YWHAH: variants seen among roughly 807,000 people sequenced by gnomAD.
The protein encoded by YWHAH is tyrosine 3-monooxygenase/tryptophan 5-monooxygenase activation protein eta, also known as 14-3-3 protein eta.
In YWHAH, 6 loss-of-function variants were observed where a neutral mutation model predicts 22.9. The ratio of observed to expected loss-of-function variants is 0.26; its 90% CI spans 0.14 to 0.52. The LOEUF is 0.52. Among genes scored for constraint, YWHAH ranks in the 20% least tolerant of loss-of-function variants. YWHAH has a pLI of 0.97. For missense variants in YWHAH, 173 were observed against 308.6 expected (o/e 0.56, Z 3.29); for synonymous variants, 135 against 124.5 (o/e 1.08, Z -0.56).
chr22:31,945,195 C>G, intron 1 of YWHAH: 1 of 1,113,298 alleles, frequency 9.0e-7, no homozygotes, highest in Non-Finnish European at 1.1e-6. Flanking sequence ...CTCCCCCTCT[C>G]GTCTTCCTCC....
intron 1 of YWHAH, among the ~76,000 whole-genome samples, chr22:31,953,381 G>A (rs538962979): frequency 8.5e-5 from 13 of 152,156 alleles, no homozygotes; most frequent in Non-Finnish European, 1.5e-4. Context: ...AGTGTTGTTC[G>A]TTAAAAGACT....
At chr22:31,945,610 C>T (rs1189361647) in intron 1 of YWHAH, 1 of 1,300,690 alleles carries the variant, frequency 7.7e-7, no homozygotes, top group Non-Finnish European at 1.0e-6. Context: ...TACCGTGGGT[C>T]ACACACCACC....
chr22:31,949,500 C>CT (rs998729389), intron 1 of YWHAH, among the ~76,000 whole-genome samples: 35 of 144,210 alleles, frequency 2.4e-4, no homozygotes, highest in Admixed American at 8.3e-4. Context: ...TCCATGTGTA[C>CT]TTTTTTTTTT....
intron 1 of YWHAH, chr22:31,950,240 T>G: frequency 1.4e-6 from 1 of 738,448 alleles, no homozygotes; most frequent in Non-Finnish European, 2.5e-6. Context: ...CCATATTGCC[T>G]TTAATGTATT....
intron 1 of YWHAH, chr22:31,947,344 G>A (rs2093836403): frequency 4.4e-6 from 2 of 453,842 alleles, no homozygotes; most frequent in African/African-American, 2.0e-5. Flanking sequence ...TGATGTTGCT[G>A]TTATTAACAA....
At chr22:31,955,186 T>G (rs1384253453) in intron 1 of YWHAH, among the ~76,000 whole-genome samples, 3 of 152,226 alleles carry the variant, frequency 2.0e-5, no homozygotes, top group African/African-American at 7.2e-5. Context: ...TGAATTGTTC[T>G]TCATTTTGGT....
Position 31,944,659 on chromosome 22 carries a change from G to A in YWHAH, c.-75G>A. 8.6e-7 allele frequency: 1 copy of A among 1,162,778 alleles called. No homozygotes were observed. Among genetic ancestry groups the A allele is most frequent in the East Asian group, 3.8e-5 (1 of 26,168 alleles). 72.0% of individuals were successfully genotyped at this position (1,162,778 alleles called of 1,614,324 possible). On this transcript the variant is annotated 5_prime_UTR_variant, in exon 1 of 2. Coordinates refer to ENST00000248975, the MANE Select transcript of YWHAH (RefSeq NM_003405.4). Reference sequence around the variant, plus strand: ...GCGGCGGCGGCCTCCGCAGCGACCGGGGAGCGGACTGACCGGCGGGAGGGC... The same window carrying A: ...GCGGCGGCGGCCTCCGCAGCGACCGAGGAGCGGACTGACCGGCGGGAGGGC...
Position 31,944,605 on chromosome 22 carries a change from CCGGCCGGCCGGCGAGCCAGTGCGCGTGCG to C in YWHAH, c.-124_-96del. On this transcript the variant is annotated 5_prime_UTR_variant, in exon 1 of 2. Coordinates refer to ENST00000248975, the MANE Select transcript of YWHAH (RefSeq NM_003405.4). ...GCCTGCAGCCTGCAGCCTGCAGCCT[CCGGCCGGCCGGCGAGCCAGTGCGCGTGCG>C]CGGCGGCGGCCTCCGCAGCGACCGG... 1 of 608,310 alleles carries C rather than the reference CCGGCCGGCCGGCGAGCCAGTGCGCGTGCG, an allele frequency of 1.6e-6. No individual in the cohort carries two copies. The allele number at this position is 608,310 out of a possible 1,614,324, so 37.7% of individuals were successfully genotyped here.
intron 1 of YWHAH, among the ~76,000 whole-genome samples, chr22:31,952,691 A>G (rs2093844901): frequency 1.3e-5 from 2 of 152,236 alleles, no homozygotes; most frequent in Admixed American, 6.5e-5. Flanking sequence ...ATTTTTACAT[A>G]AACACTAATA....
chr22:31,952,115 A>G (rs1355786940), intron 1 of YWHAH, among the ~76,000 whole-genome samples: 2 of 152,196 alleles, frequency 1.3e-5, no homozygotes, highest in Non-Finnish European at 2.9e-5. Context: ...ACTATTGTCT[A>G]GGCCTGTCTG....
intron 1 of YWHAH, among the ~76,000 whole-genome samples, chr22:31,952,258 A>G (rs948366691): frequency 6.6e-6 from 1 of 152,172 alleles, no homozygotes; most frequent in Non-Finnish European, 1.5e-5. Flanking sequence ...CTGTGTTGCC[A>G]CCCGGTGTTT....
rs771708125 is a variant in YWHAH, at chr22:31,944,761, C to T, written c.28C>T (p.Arg10Trp). Reference protein sequence around the residue: MGDREQLLQRARLAEQAERY... With the variant: MGDREQLLQWARLAEQAERY... ...GGGGGACCGGGAGCAGCTGCTGCAG[C>T]GGGCGCGGCTGGCCGAGCAGGCGGA... The change falls in exon 1 of 2, where the codon CGG (arginine) becomes TGG (tryptophan). Residue 10 changes from arginine to tryptophan, a missense_variant. Physicochemically the swap from Arg to Trp is moderately radical, Grantham distance 101. Transcript: ENST00000248975. 1 of 1,418,888 alleles carries T rather than the reference C, an allele frequency of 7.0e-7. No individual in the cohort carries two copies. Among genetic ancestry groups the T allele is most frequent in the Non-Finnish European group, 9.3e-7 (1 of 1,080,340 alleles). 87.9% of individuals were successfully genotyped at this position (1,418,888 alleles called of 1,614,324 possible).
At position 31,956,126 on chromosome 22, in the gene YWHAH, T is replaced by C; in HGVS notation, c.88-13T>C. On this transcript the variant is annotated splice_polypyrimidine_tract_variant and intron_variant, in intron 1 of 1. Transcript: ENST00000248975. The surrounding 1 kb of genome is among the most constrained non-coding windows in gnomAD (Gnocchi z 5.1). ...ATTTTGCTTTCAATGTTTATCTTTT[T>C]GGGGTTTTGCAGGTGACAGAGCTGA... 6.4e-7 allele frequency: 1 copy of C among 1,569,330 alleles called. No homozygotes were observed. Among genetic ancestry groups the C allele is most frequent in the Admixed American group, 2.0e-5 (1 of 49,520 alleles).
At chr22:31,951,344 A>G (rs1211640115) in intron 1 of YWHAH, among the ~76,000 whole-genome samples, 1 of 152,220 alleles carries the variant, frequency 6.6e-6, no homozygotes, top group Non-Finnish European at 1.5e-5. Flanking sequence ...AAGCTGGTTG[A>G]TAGCATGTAG....
intron 1 of YWHAH, among the ~76,000 whole-genome samples, chr22:31,955,114 A>G (rs1021674045): frequency 2.0e-5 from 3 of 152,198 alleles, no homozygotes; most frequent in African/African-American, 7.2e-5. Flanking sequence ...TCAGAGTACA[A>G]CTTCCTGCTG....
Position 31,949,050 on chromosome 22 carries a change from T to C in YWHAH, c.87+4230T>C, listed in dbSNP as rs187867741. ...AGTGACAGACTGTAGCGTCACACTTTTCCAGAAATACGGTTTCGGAGAGGG... is the reference window on the plus strand; with the variant it reads ...AGTGACAGACTGTAGCGTCACACTTCTCCAGAAATACGGTTTCGGAGAGGG... On this transcript the variant is annotated intron_variant, in intron 1 of 1. Transcript: ENST00000248975. Among the ~76,000 whole-genome samples, 3 of 152,316 alleles carry C rather than the reference T, an allele frequency of 2.0e-5. No homozygotes were observed. The East Asian group carries it at 5.8e-4, about 29-fold the overall frequency.
At chr22:31,946,700 G>C (rs980061498) in intron 1 of YWHAH, among the ~76,000 whole-genome samples, 1 of 152,202 alleles carries the variant, frequency 6.6e-6, no homozygotes, top group Non-Finnish European at 1.5e-5. Context: ...AGAATGGAGA[G>C]ATGTTACCAG....
chr22:31,945,142 A>C, intron 1 of YWHAH: 1 of 1,084,860 alleles, frequency 9.2e-7, no homozygotes, highest in Non-Finnish European at 1.1e-6. Context: ...AGGGGACGCG[A>C]AGGAGCCGCA....
chr22:31,950,313 T>C (rs754829188), intron 1 of YWHAH: 5 of 779,510 alleles, frequency 6.4e-6, no homozygotes, highest in Non-Finnish European at 2.4e-6. Flanking sequence ...TCTAGGTTGC[T>C]GGTAAAATTC....
Sources: gnomAD v4.1 joint callset for allele counts (sites outside exome capture counted in the v4.1 genomes callset) on GRCh38, gnomAD v4.1.1 for gene constraint, Gnocchi (gnomAD v3.1) non-coding constraint, MANE v1.5 for transcripts, NCBI Gene and HGNC (gene_info 2026-07-23, HGNC 2026-07-21) for gene names.